Variants in FBXO25 observed in about 807,000 individuals in gnomAD.
The protein encoded by FBXO25 is F-box only protein 25.
FBXO25 carries 45 observed loss-of-function variants against 51.9 expected under a neutral mutation model. That is an observed-to-expected ratio of 0.87 (90% CI 0.68 to 1.11). FBXO25 has a LOEUF of 1.11. FBXO25 is among the 50% of genes most tolerant of loss of function. The pLI, the probability that FBXO25 is intolerant of heterozygous loss-of-function variation, is 0.00. For synonymous variants in FBXO25, 199 were observed against 151.0 expected (o/e 1.32, Z -2.33); for missense variants, 507 against 428.5 (o/e 1.18, Z -1.62).
rs1796474551 is a variant in FBXO25, at chr8:411,369, A to T, written c.-7-1704A>T. 3.3e-5 allele frequency among the ~76,000 whole-genome samples: 5 copies of T among 151,468 alleles called. No homozygotes were observed. In the South Asian group the frequency reaches 8.4e-4, roughly 25 times the overall value. On this transcript the variant is annotated intron_variant, in intron 1 of 9. Coordinates refer to ENST00000350302, the MANE Select transcript of FBXO25 (RefSeq NM_183420.2). ...TCTACCTTTTTGGCTCTTCCTTTTC[A>T]GTTTTTCTTCTTGGCTTATATCTGC...
chr8:446,929 A>G (rs1798769950), intron 5 of FBXO25, among the ~76,000 whole-genome samples: 1 of 115,200 alleles, frequency 8.7e-6, no homozygotes, highest in African/African-American at 4.7e-5. Flanking sequence ...GGAAGGGATG[A>G]AAAAACTCCA....
chr8:449,002 CAT>C (rs1798906738), intron 5 of FBXO25, among the ~76,000 whole-genome samples: 2 of 152,188 alleles, frequency 1.3e-5, no homozygotes, highest in South Asian at 2.1e-4. Flanking sequence ...GCTACAAAAA[CAT>C]GTCATAAAAT....
At chr8:414,877 C>T (rs1168677176) in intron 2 of FBXO25, among the ~76,000 whole-genome samples, 1 of 152,194 alleles carries the variant, frequency 6.6e-6, no homozygotes, top group Admixed American at 6.5e-5. Flanking sequence ...CCCCGCCCTG[C>T]TTCCTACTCT....
chr8:428,873 C>T (rs1318033019), intron 2 of FBXO25, among the ~76,000 whole-genome samples: 1 of 152,164 alleles, frequency 6.6e-6, no homozygotes, highest in Non-Finnish European at 1.5e-5. Context: ...TCAGCATTTC[C>T]TTTTTCAGAC....
chr8:413,383 T>C (rs1584999033), intron 2 of FBXO25, among the ~76,000 whole-genome samples, 170 bp downstream of exon 2: 1 of 152,168 alleles, frequency 6.6e-6, no homozygotes, highest in East Asian at 1.9e-4. Flanking sequence ...GATTGCCTAA[T>C]ATTCATACAC....
At position 476,099 on chromosome 8, in the gene FBXO25, A is replaced by G. The variant is rs549612840; in HGVS notation, c.*7295A>G. The G allele has an allele frequency of 1.7e-4, 26 of 152,228 alleles. No individual in the cohort carries two copies. Among genetic ancestry groups the G allele is most frequent in the African/African-American group, 4.3e-4 (18 of 41,542 alleles). The allele number at this position is 152,228 out of a possible 1,614,324, so 9.4% of individuals were successfully genotyped here. ...ATGAAAGGGCATGACATTGTCTCAA[A>G]TGCTTTTTCTCCATCAATGGAGATC... On this transcript the variant is annotated 3_prime_UTR_variant, in exon 10 of 10. Transcript: ENST00000350302.
chr8:436,478 A>G (rs116774081), intron 5 of FBXO25, among the ~76,000 whole-genome samples: 15,100 of 152,188 alleles, frequency 0.099, 886 homozygotes, highest in African/African-American at 0.15. Context: ...CTTAGATAAT[A>G]TTATTTGTTC....
At chr8:420,242 C>T (rs1221653922) in intron 2 of FBXO25, among the ~76,000 whole-genome samples, 1 of 152,144 alleles carries the variant, frequency 6.6e-6, no homozygotes, top group African/African-American at 2.4e-5. Flanking sequence ...CCAGCAGAGG[C>T]CTACGTCAGT....
At chr8:449,377 C>T (rs1281057091) in intron 5 of FBXO25, among the ~76,000 whole-genome samples, 1 of 152,218 alleles carries the variant, frequency 6.6e-6, no homozygotes, top group Non-Finnish European at 1.5e-5. Flanking sequence ...ACCTCTACTT[C>T]GTGGGTTCTG....
intron 7 of FBXO25, among the ~76,000 whole-genome samples, chr8:454,304 G>C (rs1209214021): frequency 6.6e-6 from 1 of 152,180 alleles, no homozygotes; most frequent in African/African-American, 2.4e-5. Context: ...CTAATGAATT[G>C]GAAGTGCTTT....
At chr8:466,889 C>T (rs1443950507) in intron 9 of FBXO25, among the ~76,000 whole-genome samples, 5 of 152,172 alleles carry the variant, frequency 3.3e-5, no homozygotes, top group East Asian at 1.9e-4. Context: ...CGTTACCTCC[C>T]GGCTGTACAA....
chr8:461,550 G>C (rs1031900208), intron 8 of FBXO25, among the ~76,000 whole-genome samples: 2 of 152,090 alleles, frequency 1.3e-5, no homozygotes, highest in Admixed American at 1.3e-4. Flanking sequence ...CCTCCCACCG[G>C]GTCCCTCCCA....
Position 471,449 on chromosome 8 carries a change from A to G in FBXO25, c.*2645A>G, listed in dbSNP as rs1433109815. 2 of 152,230 alleles carry G rather than the reference A, an allele frequency of 1.3e-5. No homozygotes were observed. The highest frequency in any genetic ancestry group is 4.8e-5 in the African/African-American group (2 of 41,468). 9.4% of individuals were successfully genotyped at this position (152,230 alleles called of 1,614,324 possible). A position where few individuals can be genotyped will look rare whatever the true frequency, so the allele number is the denominator to read the frequency against. ...TTCTATCAGGGGGCCTTCCAAAAGT[A>G]GGGATGCCACTCCTGTGAGATTAAG... On this transcript the variant is annotated 3_prime_UTR_variant, in exon 10 of 10. Transcript: ENST00000350302.
intron 8 of FBXO25, among the ~76,000 whole-genome samples, chr8:462,606 A>G (rs899206417): frequency 6.6e-6 from 1 of 152,260 alleles, no homozygotes; most frequent in Non-Finnish European, 1.5e-5. Flanking sequence ...AATTTCAGAT[A>G]GACCTGGAGG....
At chr8:415,597 T>C (rs1796746887) in intron 2 of FBXO25, among the ~76,000 whole-genome samples, 1 of 152,134 alleles carries the variant, frequency 6.6e-6, no homozygotes, top group East Asian at 1.9e-4. Flanking sequence ...GTGCTGCCTA[T>C]GGTGATGTCT....
At chr8:461,905 G>T (rs1799842392) in intron 8 of FBXO25, among the ~76,000 whole-genome samples, 1 of 152,172 alleles carries the variant, frequency 6.6e-6, no homozygotes, top group Non-Finnish European at 1.5e-5. Flanking sequence ...TCAGTTGATT[G>T]ACATTTAGTT....
chr8:451,998 G>C (rs1799129797), intron 7 of FBXO25, among the ~76,000 whole-genome samples: 1 of 152,174 alleles, frequency 6.6e-6, no homozygotes, highest in Non-Finnish European at 1.5e-5. Context: ...TATTTAGATA[G>C]TGTTTTATTT....
At chr8:439,534 T>C (rs1163098569) in intron 5 of FBXO25, among the ~76,000 whole-genome samples, 9 of 152,378 alleles carry the variant, frequency 5.9e-5, no homozygotes, top group Non-Finnish European at 8.8e-5. Flanking sequence ...ACATCCAGTG[T>C]CACATACTTC....
intron 5 of FBXO25, among the ~76,000 whole-genome samples, chr8:440,249 C>T (rs1474451861): frequency 2.0e-5 from 3 of 152,192 alleles, no homozygotes; most frequent in Admixed American, 6.5e-5. Context: ...CCTCAGAGCA[C>T]TGTTAGAAAG....
Sources: gnomAD v4.1 joint callset for allele counts (sites outside exome capture counted in the v4.1 genomes callset) on GRCh38, gnomAD v4.1.1 for gene constraint, MANE v1.5 for transcripts, NCBI Gene and HGNC (gene_info 2026-07-23, HGNC 2026-07-21) for gene names.